The following FSTL5 variants were observed in gnomAD, a reference collection of about 807,000 sequenced individuals.
The protein encoded by FSTL5 is follistatin-related protein 5.
In FSTL5, 62 loss-of-function variants were observed where a neutral mutation model predicts 89.1. The observed-to-expected ratio is 0.70, with a 90% CI of 0.57 to 0.86. The LOEUF (loss-of-function observed/expected upper bound fraction) is 0.86. FSTL5 is among the 40% of genes least tolerant of loss of function. FSTL5 has a pLI of 0.00. For synonymous variants in FSTL5, 383 were observed against 346.2 expected (o/e 1.11, Z -1.18); for missense variants, 1,057 against 1,001.6 (o/e 1.06, Z -0.75).
intron 15 of FSTL5, among the ~76,000 whole-genome samples, chr4:161,418,893 T>C (rs1731883294): frequency 6.6e-6 from 1 of 152,226 alleles, no homozygotes; most frequent in Admixed American, 6.5e-5. Context: ...ACAAGTGAAA[T>C]GTGTATAGCA....
intron 6 of FSTL5, among the ~76,000 whole-genome samples, chr4:161,678,222 A>T (rs573520967): frequency 6.6e-6 from 1 of 151,900 alleles, no homozygotes; most frequent in African/African-American, 2.4e-5. Context: ...ATGTGTATAT[A>T]TACAGCCCCC....
intron 6 of FSTL5, among the ~76,000 whole-genome samples, chr4:161,708,627 AT>A (rs1738669030): frequency 6.6e-6 from 1 of 151,998 alleles, no homozygotes; most frequent in South Asian, 2.1e-4. Context: ...AATTTTCCAA[AT>A]TAAAAAAAAA....
intron 2 of FSTL5, among the ~76,000 whole-genome samples, chr4:162,069,301 A>G (rs1729496716): frequency 6.6e-6 from 1 of 152,026 alleles, no homozygotes; most frequent in African/African-American, 2.4e-5. Flanking sequence ...GTATAGAGTG[A>G]TAGTTTAATA....
intron 4 of FSTL5, among the ~76,000 whole-genome samples, chr4:161,888,897 T>A (rs1438960686): frequency 6.6e-6 from 1 of 152,112 alleles, no homozygotes; most frequent in Non-Finnish European, 1.5e-5. Context: ...TCTTCGTGAG[T>A]CATCTATCTA....
At chr4:161,608,146 C>T (rs552085343) in intron 7 of FSTL5, among the ~76,000 whole-genome samples, 1 of 152,200 alleles carries the variant, frequency 6.6e-6, no homozygotes, top group South Asian at 2.1e-4. Flanking sequence ...AAGTAGATAT[C>T]AGGAGCAAAT....
intron 15 of FSTL5, among the ~76,000 whole-genome samples, chr4:161,425,782 A>G (rs1732148844): frequency 6.6e-6 from 1 of 152,122 alleles, no homozygotes; most frequent in Non-Finnish European, 1.5e-5. Context: ...AGTGAGATTA[A>G]AGGATATGCC....
intron 7 of FSTL5, among the ~76,000 whole-genome samples, chr4:161,616,684 T>A (rs553632076): frequency 1.1e-3 from 161 of 151,894 alleles, no homozygotes; most frequent in Middle Eastern, 3.4e-3. Context: ...TAACACAGAT[T>A]GTGGCCTATT....
intron 13 of FSTL5, among the ~76,000 whole-genome samples, chr4:161,469,376 A>C (rs1339877422): frequency 2.6e-5 from 4 of 152,200 alleles, no homozygotes; most frequent in Admixed American, 2.6e-4. Context: ...TTTTTAAATA[A>C]CCACCAGTCT....
Position 161,872,141 on chromosome 4 carries a change from G to GTTTT in FSTL5, c.409+48259_409+48262dup, listed in dbSNP as rs1171950770. On this transcript the variant is annotated intron_variant, in intron 4 of 15. Transcript: ENST00000306100. ...GCTTTGTAGTTTGTTTTTTTTTTTG[G>GTTTT]TTTTTTTTTTTTTTTTTGTAGAGAC... Among the ~76,000 whole-genome samples the GTTTT allele has an allele frequency of 4.3e-3, 339 of 79,494 alleles. 5 individuals carry two copies. Among genetic ancestry groups the GTTTT allele is most frequent in the African/African-American group, 0.015 (284 of 18,648 alleles). The allele number at this position is 79,494 out of a possible 152,430, so 52.2% of individuals were successfully genotyped here. A position where few individuals can be genotyped will look rare whatever the true frequency, so the allele number is the denominator to read the frequency against.
At chr4:161,763,188 A>G (rs758268591) in intron 5 of FSTL5, among the ~76,000 whole-genome samples, 17 of 152,218 alleles carry the variant, frequency 1.1e-4, no homozygotes, top group Admixed American at 2.0e-4. Flanking sequence ...GGCATTGTCC[A>G]AAACTCTGAA....
intron 4 of FSTL5, among the ~76,000 whole-genome samples, chr4:161,879,304 C>A (rs1327385006): frequency 6.6e-6 from 1 of 152,154 alleles, no homozygotes; most frequent in South Asian, 2.1e-4. Flanking sequence ...AGTGTCTACA[C>A]CAACCCCTGT....
At chr4:161,602,274 AGAGAGAGAG>A in intron 7 of FSTL5, among the ~76,000 whole-genome samples, 1 of 151,338 alleles carries the variant, frequency 6.6e-6, no homozygotes, top group Admixed American at 6.6e-5. Context: ...AGAGAGAGAG[AGAGAGAGAG>A]AGAGAGAGAG....
intron 6 of FSTL5, among the ~76,000 whole-genome samples, chr4:161,718,187 G>T (rs1739061342): frequency 6.6e-6 from 1 of 152,004 alleles, no homozygotes; most frequent in African/African-American, 2.4e-5. Flanking sequence ...CTTAATAACT[G>T]AAAAGAGAAA....
intron 6 of FSTL5, among the ~76,000 whole-genome samples, chr4:161,739,585 C>T (rs192440525): frequency 2.0e-5 from 3 of 152,228 alleles, no homozygotes; most frequent in Admixed American, 6.5e-5. Context: ...ACAAAGCTGT[C>T]TTATATGGGG....
intron 3 of FSTL5, among the ~76,000 whole-genome samples, chr4:161,930,665 A>G (rs17458845): frequency 0.35 from 52,608 of 149,006 alleles, 10,187 homozygotes; most frequent in Non-Finnish European, 0.42. Context: ...TTGGATAGTT[A>G]AAAAAAATCA....
At chr4:161,955,891 T>C (rs1445718419) in intron 3 of FSTL5, among the ~76,000 whole-genome samples, 1 of 151,848 alleles carries the variant, frequency 6.6e-6, no homozygotes, top group Non-Finnish European at 1.5e-5. Flanking sequence ...AGGTGGTTTT[T>C]TTTTGTTGTT....
At chr4:161,924,420 A>C (rs1342154915) in intron 3 of FSTL5, among the ~76,000 whole-genome samples, 1 of 151,180 alleles carries the variant, frequency 6.6e-6, no homozygotes, top group African/African-American at 2.4e-5. Flanking sequence ...TGATACTTAT[A>C]GAGTGTATCT....
chr4:161,642,011 C>T (rs1320314023), intron 7 of FSTL5, among the ~76,000 whole-genome samples: 2 of 152,084 alleles, frequency 1.3e-5, no homozygotes, highest in African/African-American at 4.8e-5. Context: ...AAAGTTTCTC[C>T]TTACCAGTAA....
chr4:162,111,031 T>C lies in FSTL5; in HGVS notation c.126+240A>G, dbSNP rs369649454. Among the ~76,000 whole-genome samples, 76 of 152,192 alleles carry C rather than the reference T, an allele frequency of 5.0e-4. 1 individual carries two copies. In the East Asian group the frequency reaches 8.5e-3, roughly 17 times the overall value. ...TTTATTAGTATTACTGTAGGTAAAT[T>C]CTAATAATTATGTTTTTAATGGGCT... is the stretch of plus-strand genomic sequence containing the variant. On this transcript the variant is annotated intron_variant, in intron 2 of 15. Coordinates refer to ENST00000306100, the MANE Select transcript of FSTL5 (RefSeq NM_020116.5).
Sources: gnomAD v4.1 joint callset for allele counts (sites outside exome capture counted in the v4.1 genomes callset) on GRCh38, gnomAD v4.1.1 for gene constraint, MANE v1.5 for transcripts, NCBI Gene and HGNC (gene_info 2026-07-23, HGNC 2026-07-21) for gene names.